The following BRD7 variants were observed in gnomAD, a reference collection of about 807,000 sequenced individuals.
BRD7 encodes bromodomain-containing protein 7.
BRD7 carries 15 observed loss-of-function variants against 82.1 expected under a neutral mutation model. That is an observed-to-expected ratio of 0.18 (90% CI 0.12 to 0.28). The LOEUF is 0.28. Ranked by LOEUF, BRD7 falls within the 10% of genes least tolerant of loss-of-function variation. The pLI is 1.00. For synonymous variants in BRD7, 232 were observed against 266.9 expected, an observed-to-expected ratio of 0.87 and a Z score of 1.27; for missense variants, 638 against 779.9, an observed-to-expected ratio of 0.82 and a Z score of 2.17.
intron 5 of BRD7, among the ~76,000 whole-genome samples, chr16:50,345,861 G>A (rs1251509033): frequency 6.8e-6 from 1 of 148,110 alleles, no homozygotes; most frequent in Non-Finnish European, 1.5e-5. Context: ...ACAGATCGAC[G>A]AGACAGAAAG....
At chr16:50,363,641 T>TTTTGTGTGTG (rs1555472870) in intron 2 of BRD7, among the ~76,000 whole-genome samples, 1 of 149,068 alleles carries the variant, frequency 6.7e-6, no homozygotes, top group South Asian at 2.1e-4. Context: ...CGTTGTGTGT[T>TTTTGTGTGTG]TGTGTGTGTG....
chr16:50,353,735 A>ATGGTGATG (rs2038626147), intron 4 of BRD7, among the ~76,000 whole-genome samples: 2 of 149,164 alleles, frequency 1.3e-5, no homozygotes, highest in Admixed American at 1.3e-4. Context: ...CTGGGACTAC[A>ATGGTGATG]GGCGCCCATC....
intron 8 of BRD7, among the ~76,000 whole-genome samples, chr16:50,330,996 C>T (rs1356189882): frequency 6.6e-6 from 1 of 151,802 alleles, no homozygotes; most frequent in Non-Finnish European, 1.5e-5. Context: ...GATACAATAT[C>T]AATTTACAAA....
chr16:50,342,900 T>C (rs575415934), intron 5 of BRD7, among the ~76,000 whole-genome samples: 6 of 152,236 alleles, frequency 3.9e-5, no homozygotes, highest in South Asian at 4.1e-4. Context: ...AATTTTAATA[T>C]ACATGGTTCC....
At chr16:50,326,611 C>T (rs139978049) in intron 9 of BRD7, among the ~76,000 whole-genome samples, 1 of 152,214 alleles carries the variant, frequency 6.6e-6, no homozygotes, top group Non-Finnish European at 1.5e-5. Context: ...CACTCTCCTG[C>T]TTCCTGGAAT....
intron 7 of BRD7, among the ~76,000 whole-genome samples, chr16:50,334,097 C>G (rs573351481): frequency 3.3e-5 from 5 of 152,340 alleles, no homozygotes; most frequent in Admixed American, 1.3e-4. Flanking sequence ...AGTTTACTTT[C>G]TTTGCATTAT....
At chr16:50,351,033 A>G (rs190071023) in intron 4 of BRD7, among the ~76,000 whole-genome samples, 196 of 152,302 alleles carry the variant, frequency 1.3e-3, no homozygotes, top group African/African-American at 4.5e-3. Context: ...TCATTATGCT[A>G]ATTTTTTTTC....
intron 8 of BRD7, 32 bp downstream of exon 8, chr16:50,333,542 G>C: frequency 1.3e-6 from 2 of 1,599,834 alleles, no homozygotes; most frequent in South Asian, 1.1e-5. Flanking sequence ...CAAATCAGTA[G>C]GTAGAGAAAA....
intron 2 of BRD7, among the ~76,000 whole-genome samples, chr16:50,363,326 C>G (rs545988593): frequency 3.7e-4 from 57 of 152,168 alleles, no homozygotes; most frequent in Admixed American, 2.9e-3. Context: ...TAAGACTGAA[C>G]ATTTAGGAAA....
At chr16:50,339,873 TAATA>T (rs145000143) in intron 6 of BRD7, 99 bp downstream of exon 6, 237,347 of 549,784 alleles carry the variant, frequency 0.43, 54,574 homozygotes, top group Non-Finnish European at 0.5. Context: ...TATAACCTGC[TAATA>T]AAATAAAATC....
At chr16:50,367,334 A>T (rs1243233767) in intron 2 of BRD7, among the ~76,000 whole-genome samples, 1 of 152,138 alleles carries the variant, frequency 6.6e-6, no homozygotes, top group East Asian at 1.9e-4. Context: ...GGATCCTCCC[A>T]CCTCAGCCTC....
chr16:50,365,529 A>G (rs919126399), intron 2 of BRD7, among the ~76,000 whole-genome samples: 1 of 152,228 alleles, frequency 6.6e-6, no homozygotes, highest in Non-Finnish European at 1.5e-5. Context: ...AGAATTTGGG[A>G]GAGAGAGACA....
At chr16:50,323,777 C>T (rs2037219343) in intron 11 of BRD7, 79 bp from the exon 12 acceptor site, 1 of 999,842 alleles carries the variant, frequency 1.0e-6, no homozygotes, top group Non-Finnish European at 1.6e-6. Context: ...ACTGTTTCCA[C>T]TAGATGTCCT....
chr16:50,330,701 AAAGT>A (rs1393077460), intron 8 of BRD7, among the ~76,000 whole-genome samples: 1 of 152,152 alleles, frequency 6.6e-6, no homozygotes, highest in Non-Finnish European at 1.5e-5. Context: ...TGACCAAAGA[AAAGT>A]AAGTGCTTAA....
chr16:50,357,610 C>T (rs1211706170), intron 2 of BRD7, among the ~76,000 whole-genome samples: 1 of 152,134 alleles, frequency 6.6e-6, no homozygotes, highest in Admixed American at 6.5e-5. Context: ...AGGCAGTATG[C>T]ATTCTCCCAG....
intron 13 of BRD7, 63 bp from the exon 14 acceptor site, chr16:50,320,837 A>G: frequency 8.9e-7 from 1 of 1,124,916 alleles, no homozygotes; most frequent in Non-Finnish European, 1.4e-6. Flanking sequence ...TGTTAACTAG[A>G]AATTACTCAG....
intron 2 of BRD7, among the ~76,000 whole-genome samples, chr16:50,363,676 CGCGT>C (rs1385481697): frequency 4.9e-4 from 31 of 62,836 alleles, no homozygotes; most frequent in South Asian, 1.5e-3. Context: ...CGCGCGCGTG[CGCGT>C]GTGCTTCCCC....
intron 2 of BRD7, among the ~76,000 whole-genome samples, chr16:50,365,836 C>T (rs2039121878): frequency 6.6e-6 from 1 of 151,454 alleles, no homozygotes; most frequent in Non-Finnish European, 1.5e-5. Context: ...GTTCAGGAGT[C>T]TAATATCTAA....
chr16:50,327,464 T>C (rs2037388136), intron 9 of BRD7, among the ~76,000 whole-genome samples: 1 of 152,240 alleles, frequency 6.6e-6, no homozygotes, highest in Non-Finnish European at 1.5e-5. Flanking sequence ...CCTATGATCA[T>C]ATAAAATTCT....
Sources: allele counts gnomAD v4.1 joint callset (sites outside exome capture counted in the v4.1 genomes callset), GRCh38; gene constraint gnomAD v4.1.1; transcripts MANE v1.5; gene names NCBI Gene and HGNC (gene_info 2026-07-23, HGNC 2026-07-21).